CLVS2: variants seen among roughly 807,000 people sequenced by gnomAD.
The protein encoded by CLVS2 is clavesin-2.
A neutral mutation model predicts 29.0 loss-of-function variants in CLVS2; 19 were observed. The observed-to-expected ratio is 0.66, with a 90% CI of 0.46 to 0.96. The LOEUF is 0.96. Ranked by LOEUF, CLVS2 falls within the 40% of genes least tolerant of loss-of-function variation. The pLI is 0.00. For missense variants in CLVS2, 294 were observed against 404.1 expected (o/e 0.73, Z 2.34); for synonymous variants, 161 against 151.3 (o/e 1.06, Z -0.47).
At chr6:123,062,085 A>G (rs1160979328) in intron 5 of CLVS2, among the ~76,000 whole-genome samples, 2 of 152,150 alleles carry the variant, frequency 1.3e-5, no homozygotes, top group Admixed American at 1.3e-4. Context: ...AGAAACTGAT[A>G]AAGTCCCTGC....
chr6:123,006,300 A>G (rs998989208), intron 2 of CLVS2, among the ~76,000 whole-genome samples: 1 of 152,208 alleles, frequency 6.6e-6, no homozygotes, highest in African/African-American at 2.4e-5. Flanking sequence ...GGGTGAGCCT[A>G]TGCATGGGTG....
intron 4 of CLVS2, among the ~76,000 whole-genome samples, chr6:123,054,518 A>G (rs979104554): frequency 6.6e-6 from 1 of 152,216 alleles, no homozygotes; most frequent in African/African-American, 2.4e-5. Flanking sequence ...GGCAACTACC[A>G]TCTTCTAATT....
chr6:123,063,072 A>G (rs1428965190), intron 5 of CLVS2, among the ~76,000 whole-genome samples: 2 of 152,214 alleles, frequency 1.3e-5, no homozygotes, highest in African/African-American at 4.8e-5. Flanking sequence ...CTTTTTAAAA[A>G]TCTATAACTG....
rs779298455 is a variant in CLVS2, at chr6:123,063,753, C to G, written c.976C>G (p.Leu326Val). Residue 326 changes from leucine to valine, a missense_variant, in exon 6 of 6, where the codon CTG (leucine) becomes GTG (valine). Leu to Val is a conservative substitution (Grantham distance 32, BLOSUM62 1). This residue lies in a region of CLVS2 where 82 missense variants were observed against 67.8 expected (regional missense o/e 1.21). Transcript: ENST00000275162. Reference sequence around the variant, plus strand: ...AGAAAACATGCAACCATTGCTTTCTCTGGACTAATAACTTCTCTACATCCC... The same window carrying G: ...AGAAAACATGCAACCATTGCTTTCTGTGGACTAATAACTTCTCTACATCCC... ...EEENMQPLLS[L>V]D 1 of 1,603,260 alleles carries G rather than the reference C, an allele frequency of 6.2e-7. No homozygotes were observed. Among genetic ancestry groups the G allele is most frequent in the Non-Finnish European group, 8.5e-7 (1 of 1,170,566 alleles).
rs1188974433 is a variant in CLVS2 at position 123,013,237 on chromosome 6, AT to A, written c.564+2085del. The stretch of plus-strand genomic sequence containing the variant: ...TGTTTCATTCAGAATATGAATAAAC[AT>A]TTTTTTCAATATCAAAATAAGACCA... On this transcript the variant is annotated intron_variant, in intron 3 of 5. Coordinates refer to ENST00000275162, the MANE Select transcript of CLVS2 (RefSeq NM_001010852.4). 1.1e-4 allele frequency among the ~76,000 whole-genome samples: 17 copies of A among 152,106 alleles called. No individual in the cohort carries two copies. In the East Asian group the frequency reaches 2.7e-3, roughly 24 times the overall value.
In CLVS2 at chr6:123,019,749, C is replaced by T. The variant is rs149155591; in HGVS notation, c.564+8590C>T. 2.4e-3 allele frequency among the ~76,000 whole-genome samples: 371 copies of T among 152,104 alleles called. 4 individuals carry two copies. The highest frequency in any genetic ancestry group is 0.012 in the East Asian group (60 of 5,138). On this transcript the variant is annotated intron_variant, in intron 3 of 5. Transcript: ENST00000275162. ...ATATAAGGCGATTTATTATATAAGA[C>T]GTTGGCTTATGCAGTTATGGAGGCT...
chr6:123,018,561 T>G (rs761637953), intron 3 of CLVS2, among the ~76,000 whole-genome samples: 1 of 152,118 alleles, frequency 6.6e-6, no homozygotes, highest in South Asian at 2.1e-4. Context: ...ATTGCCAGAA[T>G]CTTAGAAGTG....
chr6:122,998,193 C>G, intron 2 of CLVS2, 27 bp downstream of exon 2: 2 of 1,584,200 alleles, frequency 1.3e-6, no homozygotes, highest in African/African-American at 1.3e-5. Context: ...AACTTGTATT[C>G]TCCTTTTACT....
chr6:123,011,066 G>A lies in CLVS2; in HGVS notation c.471G>A (p.Gly157=). 6.2e-7 allele frequency: 1 copy of A among 1,611,318 alleles called. No individual in the cohort carries two copies. Among genetic ancestry groups the A allele is most frequent in the Admixed American group, 1.7e-5 (1 of 59,718 alleles). The change falls in exon 3 of 6, where the codon GGG becomes GGA. Residue 157 remains glycine, a synonymous_variant. Transcript: ENST00000275162. ...AAGATCCTGAGCTTCAAGTGAATGG[G>A]TTTGTTTTGATCATAGACTGGAGTA... ...MIEDPELQVN[G]FVLIIDWSNF...
At chr6:123,023,172 G>GGA (rs1163590468) in intron 3 of CLVS2, among the ~76,000 whole-genome samples, 1 of 152,058 alleles carries the variant, frequency 6.6e-6, no homozygotes, top group Non-Finnish European at 1.5e-5. Context: ...GCAGCACCAT[G>GGA]GAGAGCTCTC....
intron 3 of CLVS2, among the ~76,000 whole-genome samples, chr6:123,034,047 A>C (rs764188084): frequency 6.6e-6 from 1 of 152,152 alleles, no homozygotes; most frequent in Non-Finnish European, 1.5e-5. Context: ...TTAATTTTTT[A>C]AAAAGTGAAA....
At chr6:123,033,142 A>G (rs1418834862) in intron 3 of CLVS2, among the ~76,000 whole-genome samples, 1 of 152,086 alleles carries the variant, frequency 6.6e-6, no homozygotes, top group Non-Finnish European at 1.5e-5. Context: ...GTTCATGAAG[A>G]TGAAAAATTA....
At chr6:123,054,806 G>T (rs1434884526) in intron 4 of CLVS2, among the ~76,000 whole-genome samples, 3 of 151,770 alleles carry the variant, frequency 2.0e-5, no homozygotes, top group Admixed American at 6.6e-5. Context: ...TGAGTATGTG[G>T]CTTGAATATG....
chr6:123,050,494 T>C (rs1772591893), intron 4 of CLVS2, among the ~76,000 whole-genome samples: 1 of 152,168 alleles, frequency 6.6e-6, no homozygotes, highest in Non-Finnish European at 1.5e-5. Context: ...TAGCAGATCG[T>C]AGAGCCGGAT....
At chr6:123,022,135 A>G (rs1011970705) in intron 3 of CLVS2, among the ~76,000 whole-genome samples, 6 of 152,026 alleles carry the variant, frequency 3.9e-5, no homozygotes, top group African/African-American at 1.4e-4. Flanking sequence ...TATTTTATAT[A>G]TAATGTTTAG....
chr6:123,061,081 A>T (rs915619274), intron 5 of CLVS2, among the ~76,000 whole-genome samples: 2 of 152,242 alleles, frequency 1.3e-5, no homozygotes, highest in Non-Finnish European at 2.9e-5. Context: ...CGGGTGGATC[A>T]CTTGAGGTCA....
Position 123,066,918 on chromosome 6 carries a change from A to G in CLVS2, c.*3157A>G, listed in dbSNP as rs970818354. 6.6e-6 allele frequency: 1 copy of G among 151,720 alleles called. No homozygotes were observed. The highest frequency in any genetic ancestry group is 1.5e-5 in the Non-Finnish European group (1 of 67,724). The allele number at this position is 151,720 out of a possible 1,614,324, so 9.4% of individuals were successfully genotyped here. On this transcript the variant is annotated 3_prime_UTR_variant, in exon 6 of 6. Transcript: ENST00000275162. ...CTCTGTTGTGTAAGTTAAATACAGT[A>G]ACTTTAGTACATGTTAATGATAAAC...
At position 122,996,892 on chromosome 6, in the gene CLVS2, C is replaced by T. The variant is rs760688837; in HGVS notation, c.-560+146C>T. ...AGAGATATCCCCGGTCCCCTCCCTC[C>T]CCCTCCCCCCTTTTCTCCAACCCCG... On this transcript the variant is annotated intron_variant, in intron 1 of 5. Transcript: ENST00000275162. The T allele has an allele frequency of 1.3e-3, 192 of 152,426 alleles. 1 individual carries two copies. The highest frequency in any genetic ancestry group is 8.7e-4 in the Non-Finnish European group (59 of 68,100). 9.4% of individuals were successfully genotyped at this position (152,426 alleles called of 1,614,324 possible).
At chr6:123,060,562 T>A (rs762280398) in intron 5 of CLVS2, among the ~76,000 whole-genome samples, 1 of 152,224 alleles carries the variant, frequency 6.6e-6, no homozygotes, top group African/African-American at 2.4e-5. Flanking sequence ...CCCCATTTTA[T>A]TGATAGAGAG....
Sources: gnomAD v4.1 joint callset for allele counts (sites outside exome capture counted in the v4.1 genomes callset) on GRCh38, gnomAD v4.1.1 for gene constraint, gnomAD v4.1.1 regional missense constraint, MANE v1.5 for transcripts, NCBI Gene and HGNC (gene_info 2026-07-23, HGNC 2026-07-21) for gene names.